Variants in ARSB observed in about 807,000 individuals in gnomAD.
The protein encoded by ARSB is N-acetylgalactosamine-4-sulfatase.
In ARSB, 41 loss-of-function variants were observed where a neutral mutation model predicts 50.9. That is an observed-to-expected ratio of 0.81 (90% CI 0.63 to 1.04). The LOEUF is 1.04. Ranked by LOEUF, ARSB falls within the 50% of genes least tolerant of loss-of-function variation. The probability of loss-of-function intolerance (pLI) is 0.00; values close to 1 mark genes in which losing one functional copy is unlikely to be tolerated. For missense variants in ARSB, 672 were observed against 693.3 expected (o/e 0.97, Z 0.35); for synonymous variants, 269 against 284.8 (o/e 0.94, Z 0.56).
At chr5:78,781,761 G>A in intron 7 of ARSB, 91 bp downstream of exon 7, 2 of 1,549,182 alleles carry the variant, frequency 1.3e-6, no homozygotes, top group South Asian at 1.1e-5. Context: ...TCAAATCCCA[G>A]GAGGGCAGAT....
At chr5:78,869,501 T>C (rs894882255) in intron 5 of ARSB, among the ~76,000 whole-genome samples, 1 of 138,474 alleles carries the variant, frequency 7.2e-6, no homozygotes, top group Non-Finnish European at 1.6e-5. Context: ...AACTCAGGAT[T>C]AAGAATCTCA....
rs1745179518 is a variant in ARSB, at chr5:78,841,133, T to TACC, written c.1143-1708_1143-1707insGGT. On this transcript the variant is annotated intron_variant, in intron 5 of 7. Transcript: ENST00000264914. ...AGGCAACATACTGAGACCTGGTCTG[T>TACC]ACTACTACTACTACTACTACTACTA... 6.8e-5 allele frequency among the ~76,000 whole-genome samples: 5 copies of TACC among 73,798 alleles called. No individual in the cohort carries two copies. The South Asian group carries it at 2.5e-3, about 37-fold the overall frequency. The allele number at this position is 73,798 out of a possible 152,430, so 48.4% of individuals were successfully genotyped here. A position where few individuals can be genotyped will look rare whatever the true frequency, so the allele number is the denominator to read the frequency against.
chr5:78,861,465 A>C (rs888485280), intron 5 of ARSB, among the ~76,000 whole-genome samples: 2 of 152,224 alleles, frequency 1.3e-5, no homozygotes, highest in Non-Finnish European at 2.9e-5. Context: ...AACATATGCA[A>C]ATCAATGAAC....
intron 1 of ARSB, among the ~76,000 whole-genome samples, chr5:78,974,576 T>C (rs949946268): frequency 6.6e-6 from 1 of 152,216 alleles, no homozygotes; most frequent in African/African-American, 2.4e-5. Flanking sequence ...CAACAGCTTA[T>C]GCTCAAAGTG....
At chr5:78,942,788 T>TA (rs1337374744) in intron 4 of ARSB, among the ~76,000 whole-genome samples, 26 of 152,338 alleles carry the variant, frequency 1.7e-4, no homozygotes, top group African/African-American at 5.8e-4. Context: ...TGTAGATGTC[T>TA]ATTAGGTCCG....
At chr5:78,960,852 T>C (rs951250218) in intron 3 of ARSB, among the ~76,000 whole-genome samples, 1 of 152,184 alleles carries the variant, frequency 6.6e-6, no homozygotes, top group African/African-American at 2.4e-5. Context: ...TGTGGGCCAG[T>C]GCACCCGGCT....
chr5:78,925,567 T>C (rs1183013566), intron 4 of ARSB, among the ~76,000 whole-genome samples: 1 of 138,468 alleles, frequency 7.2e-6, no homozygotes, highest in Non-Finnish European at 1.7e-5. Flanking sequence ...TAAATAACTG[T>C]ATTACTAAGC....
chr5:78,809,919 G>C (rs1230195246), intron 6 of ARSB, among the ~76,000 whole-genome samples: 1 of 152,218 alleles, frequency 6.6e-6, no homozygotes, highest in Non-Finnish European at 1.5e-5. Flanking sequence ...AGCTGATGCT[G>C]GCAGTTGTAG....
intron 5 of ARSB, among the ~76,000 whole-genome samples, chr5:78,866,006 T>C (rs1746704347): frequency 6.6e-6 from 1 of 152,196 alleles, no homozygotes; most frequent in Non-Finnish European, 1.5e-5. Context: ...TCCTGTCTTC[T>C]TCTGAGCCCT....
intron 4 of ARSB, among the ~76,000 whole-genome samples, chr5:78,938,614 C>T (rs1358611905): frequency 6.6e-6 from 1 of 152,112 alleles, no homozygotes; most frequent in Non-Finnish European, 1.5e-5. Context: ...GTTCCTGGCA[C>T]AGAATTTCTA....
intron 6 of ARSB, among the ~76,000 whole-genome samples, chr5:78,801,006 T>C (rs1733907472): frequency 1.3e-5 from 2 of 152,148 alleles, no homozygotes; most frequent in Non-Finnish European, 2.9e-5. Flanking sequence ...TTGAGCACCC[T>C]GGCTGGCTTG....
intron 1 of ARSB, among the ~76,000 whole-genome samples, chr5:78,974,367 TAA>T (rs1158210322): frequency 6.6e-6 from 1 of 152,176 alleles, no homozygotes; most frequent in Non-Finnish European, 1.5e-5. Context: ...AATCTCTGAC[TAA>T]ACCCACAAAG....
At position 78,980,938 on chromosome 5, in the gene ARSB, C is replaced by CTTTT. The variant is rs762385496; in HGVS notation, c.312+3995_312+3998dup. On this transcript the variant is annotated intron_variant, in intron 1 of 7. Transcript: ENST00000264914. ...TGTAGAGAGACCTGAATTTCTAGTT[C>CTTTT]TTTTTTTTTTTTTTTTTTTTTTTTT... 4.5e-4 allele frequency among the ~76,000 whole-genome samples: 11 copies of CTTTT among 24,484 alleles called. 1 individual carries two copies. The highest frequency in any genetic ancestry group is 7.0e-4 in the Non-Finnish European group (11 of 15,750). 16.1% of individuals were successfully genotyped at this position (24,484 alleles called of 152,430 possible). A position where few individuals can be genotyped will look rare whatever the true frequency, so the allele number is the denominator to read the frequency against.
chr5:78,906,739 T>C (rs1050314219), intron 4 of ARSB, among the ~76,000 whole-genome samples: 1 of 152,222 alleles, frequency 6.6e-6, no homozygotes, highest in African/African-American at 2.4e-5. Context: ...CTTTCAGTAT[T>C]ATCCAGAGTT....
chr5:78,905,438 C>G (rs1015779862), intron 4 of ARSB, among the ~76,000 whole-genome samples: 6 of 142,852 alleles, frequency 4.2e-5, no homozygotes, highest in African/African-American at 1.5e-4. Flanking sequence ...AAAATCCTCT[C>G]GAGGGTGTTG....
chr5:78,828,479 C>T (rs916638954), intron 6 of ARSB, among the ~76,000 whole-genome samples: 1 of 152,148 alleles, frequency 6.6e-6, no homozygotes, highest in Non-Finnish European at 1.5e-5. Flanking sequence ...CACCTAGGAA[C>T]TCTTTGAGGT....
intron 6 of ARSB, among the ~76,000 whole-genome samples, chr5:78,837,999 T>C (rs900743859): frequency 6.6e-6 from 1 of 152,212 alleles, no homozygotes; most frequent in African/African-American, 2.4e-5. Flanking sequence ...TTGGTCTTTA[T>C]TGCATCTCAA....
chr5:78,905,417 T>C (rs1302389310), intron 4 of ARSB, among the ~76,000 whole-genome samples: 1 of 151,282 alleles, frequency 6.6e-6, no homozygotes. Context: ...TCTGAGCCTC[T>C]AGGTCTAGTT....
intron 4 of ARSB, among the ~76,000 whole-genome samples, chr5:78,913,483 G>C (rs528041960): frequency 6.6e-6 from 1 of 152,136 alleles, no homozygotes; most frequent in Non-Finnish European, 1.5e-5. Context: ...AGCAGTGTGA[G>C]GTAGACTTTC....
Sources: gnomAD v4.1 joint callset for allele counts (sites outside exome capture counted in the v4.1 genomes callset) on GRCh38, gnomAD v4.1.1 for gene constraint, MANE v1.5 for transcripts, NCBI Gene and HGNC (gene_info 2026-07-23, HGNC 2026-07-21) for gene names.